MROH7: variants seen among roughly 807,000 people sequenced by gnomAD.
The protein encoded by MROH7 is maestro heat-like repeat-containing protein family member 7.
A neutral mutation model predicts 129.2 loss-of-function variants in MROH7; 113 were observed. The observed-to-expected ratio is 0.87, with a 90% confidence interval of 0.75 to 1.02. The LOEUF is 1.02. Among genes scored for constraint, MROH7 ranks in the 50% least tolerant of loss-of-function variants. The pLI, the probability that MROH7 is intolerant of heterozygous loss-of-function variation, is 0.00. For missense variants in MROH7, 1,601 were observed against 1,671.3 expected (o/e 0.96, Z 0.73); for synonymous variants, 655 against 667.9 (o/e 0.98, Z 0.30).
intron 10 of MROH7, among the ~76,000 whole-genome samples, chr1:54,675,291 T>A (rs1644963461): frequency 6.6e-6 from 1 of 152,212 alleles, no homozygotes. Context: ...TCATGCTTTT[T>A]GAAAGATTAA....
At chr1:54,670,380 G>A in intron 5 of MROH7, 117 bp from the exon 6 acceptor site, 1 of 748,614 alleles carries the variant, frequency 1.3e-6, no homozygotes, top group Non-Finnish European at 2.2e-6. Flanking sequence ...TGAGGCGGGA[G>A]GAGCACTTGA....
intron 3 of MROH7, among the ~76,000 whole-genome samples, chr1:54,660,087 TTAG>T: frequency 6.6e-6 from 1 of 152,330 alleles, no homozygotes; most frequent in Middle Eastern, 3.4e-3. Context: ...AGTGGTAATC[TTAG>T]TCTGTTTGTG....
chr1:54,686,111 G>A, intron 14 of MROH7, 147 bp from the exon 15 acceptor site: 2 of 632,304 alleles, frequency 3.2e-6, no homozygotes, highest in South Asian at 2.4e-5. Flanking sequence ...TTTGGGGCTG[G>A]GGGGTGGGGA....
At chr1:54,702,000 G>A in intron 19 of MROH7, 90 bp from the exon 20 acceptor site, 1 of 1,200,828 alleles carries the variant, frequency 8.3e-7, no homozygotes, top group Non-Finnish European at 1.1e-6. Context: ...CCAGACCTAG[G>A]CTTGAGTGAG....
chr1:54,669,282 A>G (rs1225667051), intron 5 of MROH7, among the ~76,000 whole-genome samples: 1 of 152,152 alleles, frequency 6.6e-6, no homozygotes, highest in Non-Finnish European at 1.5e-5. Flanking sequence ...TTTCCCAGCA[A>G]TTCCTTCTGG....
In MROH7 at chr1:54,668,359, T is replaced by C. The variant is rs150387825; in HGVS notation, c.1306-495T>C. Among the ~76,000 whole-genome samples the C allele has an allele frequency of 4.1e-3, 625 of 152,342 alleles. 20 individuals are homozygous for C. The East Asian group carries it at 0.078, about 19-fold the overall frequency. The stretch of plus-strand genomic sequence containing the variant: ...TCAAATTAACTTGTATTTTCTTCTT[T>C]ACTATATGAAATTAGTTTTCTTATT... On this transcript the variant is annotated intron_variant, in intron 4 of 23. Transcript: ENST00000421030.
rs972485256 is a variant in MROH7, at chr1:54,701,969, C to A, written c.3286-121C>A. ...GCCTTTTAGGTTAGTGGGGGTCTGG[C>A]TGGGAAGAGTCGGGAGAGTTCCAGA... On this transcript the variant is annotated intron_variant, in intron 19 of 23. Coordinates refer to ENST00000421030, the MANE Select transcript of MROH7 (RefSeq NM_001039464.4). 9.3e-6 allele frequency: 8 copies of A among 856,974 alleles called. No individual in the cohort carries two copies. In the African/African-American group the frequency reaches 1.2e-4, roughly 13 times the overall value. 53.1% of individuals were successfully genotyped at this position (856,974 alleles called of 1,614,324 possible). A position where few individuals can be genotyped will look rare whatever the true frequency, so the allele number is the denominator to read the frequency against.
chr1:54,670,960 G>A, intron 7 of MROH7, 31 bp downstream of exon 7: 1 of 1,566,144 alleles, frequency 6.4e-7, no homozygotes, highest in Non-Finnish European at 8.6e-7. Flanking sequence ...CAGGGCCTCA[G>A]GGCTGGCCCA....
At position 54,708,993 on chromosome 1, in the gene MROH7, ACTT is replaced by A; in HGVS notation, c.3668-17_3668-15del. 3.1e-6 allele frequency: 5 copies of A among 1,613,692 alleles called. No homozygotes were observed. Among genetic ancestry groups the A allele is most frequent in the Non-Finnish European group, 4.2e-6 (5 of 1,179,600 alleles). On this transcript the variant is annotated intron_variant, in intron 22 of 23. Coordinates refer to ENST00000421030, the MANE Select transcript of MROH7 (RefSeq NM_001039464.4). ...TCGACGTCGGAAGACAAATGCCCTC[ACTT>A]CTTGGATTACGCTCAAGGGTCCCTG...
intron 3 of MROH7, among the ~76,000 whole-genome samples, chr1:54,658,953 G>T (rs887160574): frequency 6.6e-6 from 1 of 152,188 alleles, no homozygotes; most frequent in Non-Finnish European, 1.5e-5. Flanking sequence ...GGGTTGGGGG[G>T]ACAACTGCTC....
intron 18 of MROH7, 117 bp downstream of exon 18, chr1:54,700,578 C>T (rs973511753): frequency 9.9e-7 from 1 of 1,008,074 alleles, no homozygotes; most frequent in Admixed American, 2.9e-5. Context: ...TCATTTCTAT[C>T]TTAGCCTCAG....
intron 4 of MROH7, among the ~76,000 whole-genome samples, chr1:54,667,868 T>C (rs959258119): frequency 3.3e-5 from 5 of 152,200 alleles, no homozygotes; most frequent in Admixed American, 3.3e-4. Context: ...AAGGATTGCT[T>C]GAGCCCAGGA....
At chr1:54,648,336 T>TTTTATTGATTTA (rs142637558) in intron 1 of MROH7, among the ~76,000 whole-genome samples, 1 of 142,226 alleles carries the variant, frequency 7.0e-6, no homozygotes, top group East Asian at 2.1e-4. Context: ...TTGCATGCAA[T>TTTTATTGATTTA]TTTATTTATT....
At chr1:54,655,556 T>C (rs188110633) in intron 3 of MROH7, among the ~76,000 whole-genome samples, 46 of 151,460 alleles carry the variant, frequency 3.0e-4, no homozygotes, top group Admixed American at 1.6e-3. Flanking sequence ...TATTTTTTAT[T>C]TTTTGTAGAG....
chr1:54,665,103 G>T, intron 3 of MROH7, 64 bp from the exon 4 acceptor site: 1 of 1,273,016 alleles, frequency 7.9e-7, no homozygotes, highest in South Asian at 1.2e-5. Flanking sequence ...GAGAGAGATG[G>T]CATGATGGCA....
chr1:54,660,679 G>T (rs1303574868), intron 3 of MROH7, among the ~76,000 whole-genome samples: 1 of 152,128 alleles, frequency 6.6e-6, no homozygotes, highest in Non-Finnish European at 1.5e-5. Flanking sequence ...GCCAGACATG[G>T]TGGCACATGC....
At chr1:54,652,524 A>G (rs1002698351) in intron 2 of MROH7, among the ~76,000 whole-genome samples, 2 of 152,220 alleles carry the variant, frequency 1.3e-5, no homozygotes, top group Non-Finnish European at 2.9e-5. Flanking sequence ...AGAACACTAA[A>G]TGAATTCACT....
intron 3 of MROH7, among the ~76,000 whole-genome samples, chr1:54,660,834 GA>G (rs1161884883): frequency 1.3e-5 from 2 of 151,314 alleles, no homozygotes; most frequent in Non-Finnish European, 2.9e-5. Context: ...AAAGAAAAAA[GA>G]AAAAAAAGAG....
chr1:54,673,452 C>T (rs1396552549), intron 8 of MROH7, among the ~76,000 whole-genome samples: 3 of 152,066 alleles, frequency 2.0e-5, no homozygotes, highest in African/African-American at 4.8e-5. Flanking sequence ...CTTGTCCCTG[C>T]GTCTCTCTTC....
Sources: allele counts gnomAD v4.1 joint callset (sites outside exome capture counted in the v4.1 genomes callset), GRCh38; gene constraint gnomAD v4.1.1; transcripts MANE v1.5; gene names NCBI Gene and HGNC (gene_info 2026-07-23, HGNC 2026-07-21).